The following ARL6IP5 variants were observed in gnomAD, a reference collection of about 807,000 sequenced individuals.
ARL6IP5 encodes the protein PRA1 family protein 3.
Under a neutral mutation model 13.0 loss-of-function variants are expected in ARL6IP5, and 6 were observed. The observed-to-expected ratio is 0.46, with a 90% confidence interval of 0.25 to 0.91. ARL6IP5 has a LOEUF of 0.91. Among genes scored for constraint, ARL6IP5 ranks in the 40% least tolerant of loss-of-function variants. ARL6IP5 has a pLI of 0.17. For synonymous variants in ARL6IP5, 91 were observed against 91.9 expected, an observed-to-expected ratio of 0.99 and a Z score of 0.06; for missense variants, 208 against 248.8, an observed-to-expected ratio of 0.84 and a Z score of 1.10.
chr3:69,104,482 C>T lies in ARL6IP5; in HGVS notation c.413C>T (p.Ser138Leu), dbSNP rs11542221. The T allele has an allele frequency of 6.2e-6, 10 of 1,613,584 alleles. No homozygotes were observed. The highest frequency in any genetic ancestry group is 1.1e-5 in the South Asian group (1 of 91,000). Residue 138 changes from serine to leucine, a missense_variant, in exon 3 of 3, where the codon TCG becomes TTG. Ser to Leu is a moderately radical substitution (Grantham distance 145). Coordinates refer to ENST00000273258, the MANE Select transcript of ARL6IP5 (RefSeq NM_006407.4). ...TCTGCAGTGATGTTTATCCATGCAT[C>T]GTTGAGACTTCGGAACCTCAAGAAC... ...FPLLLMFIHA[S>L]LRLRNLKNKL...
chr3:69,102,099 A>T (rs1228204749), intron 2 of ARL6IP5, 43 bp downstream of exon 2: 8 of 1,578,868 alleles, frequency 5.1e-6, no homozygotes. Flanking sequence ...AAAAAAATGT[A>T]GAAGCAATTA....
At position 69,101,861 on chromosome 3, in the gene ARL6IP5, A is replaced by C. The variant is rs776259125; in HGVS notation, c.199A>C (p.Ile67Leu). 3 of 1,613,526 alleles carry C rather than the reference A, an allele frequency of 1.9e-6. No homozygotes were observed. In the Admixed American group the frequency reaches 5.0e-5, roughly 27 times the overall value. The change falls in exon 2 of 3, where the codon ATC becomes CTC. Residue 67 changes from isoleucine (I) to leucine (L), a missense_variant. Ile to Leu is a conservative substitution (Grantham distance 5). Coordinates refer to ENST00000273258, the MANE Select transcript of ARL6IP5 (RefSeq NM_006407.4). Reference sequence around the variant, plus strand: ...CAGGTTTCTGAGTCCCTTCAACATGATCCTGGGAGGAATCGTGGTGGTGCT... The same window carrying C: ...CAGGTTTCTGAGTCCCTTCAACATGCTCCTGGGAGGAATCGTGGTGGTGCT... ...IVGFLSPFNM[I>L]LGGIVVVLVF...
At chr3:69,085,931 TATCCTG>T (rs1460646084) in intron 1 of ARL6IP5, among the ~76,000 whole-genome samples, 2 of 152,196 alleles carry the variant, frequency 1.3e-5, no homozygotes, top group African/African-American at 4.8e-5. Context: ...CTTAACAAAG[TATCCTG>T]TGTTGAGACT....
At chr3:69,085,501 C>T (rs1317614996) in intron 1 of ARL6IP5, among the ~76,000 whole-genome samples, 4 of 152,158 alleles carry the variant, frequency 2.6e-5, no homozygotes. Context: ...TGAGAGTTCC[C>T]CCACCCCCCT....
rs1405743669 is a variant in ARL6IP5 at position 69,096,628 on chromosome 3, G to A, written c.177-5211G>A. Among the ~76,000 whole-genome samples the A allele has an allele frequency of 5.3e-3, 667 of 126,096 alleles. 5 individuals are homozygous for A. Among genetic ancestry groups the A allele is most frequent in the African/African-American group, 0.02 (645 of 32,726 alleles). The allele number at this position is 126,096 out of a possible 152,430, so 82.7% of individuals were successfully genotyped here. Reference sequence around the variant, plus strand: ...TTTTTTTTTTTTTTTTTTTGAGACGGAATCTCGCTCTGTCACCCAGGCTGG... The same window carrying A: ...TTTTTTTTTTTTTTTTTTTGAGACGAAATCTCGCTCTGTCACCCAGGCTGG... On this transcript the variant is annotated intron_variant, in intron 1 of 2. Coordinates refer to ENST00000273258, the MANE Select transcript of ARL6IP5 (RefSeq NM_006407.4).
intron 1 of ARL6IP5, among the ~76,000 whole-genome samples, chr3:69,095,439 A>G (rs1471035677): frequency 2.0e-5 from 3 of 151,646 alleles, no homozygotes; most frequent in African/African-American, 7.3e-5. Context: ...AGAAAAACAT[A>G]ACGGTTTTTG....
intron 1 of ARL6IP5, among the ~76,000 whole-genome samples, chr3:69,097,309 G>T (rs981169548): frequency 2.6e-5 from 4 of 151,018 alleles, no homozygotes; most frequent in Admixed American, 2.6e-4. Context: ...ATAGGTGTGT[G>T]CTGCCACACC....
At position 69,093,672 on chromosome 3, in the gene ARL6IP5, G is replaced by C. The variant is rs530072393; in HGVS notation, c.177-8167G>C. The stretch of plus-strand genomic sequence containing the variant: ...AGCTACTGGAGAGGCTGAGGCAGGA[G>C]AATTGTTTGAACCAGGGAGTCAGAG... On this transcript the variant is annotated intron_variant, in intron 1 of 2. Transcript: ENST00000273258. Among the ~76,000 whole-genome samples the C allele has an allele frequency of 4.6e-5, 7 of 151,148 alleles. No homozygotes were observed. The South Asian group carries it at 1.5e-3, about 32-fold the overall frequency.
At chr3:69,095,682 A>T (rs2092284794) in intron 1 of ARL6IP5, among the ~76,000 whole-genome samples, 1 of 152,054 alleles carries the variant, frequency 6.6e-6, no homozygotes, top group Non-Finnish European at 1.5e-5. Flanking sequence ...TTTAGTAGAG[A>T]TGGGGTTTCG....
intron 2 of ARL6IP5, among the ~76,000 whole-genome samples, chr3:69,103,189 C>T (rs2092311588): frequency 6.6e-6 from 1 of 152,194 alleles, no homozygotes; most frequent in Non-Finnish European, 1.5e-5. Flanking sequence ...TCTGTAGGTG[C>T]TTAACGCTTA....
chr3:69,086,868 A>G (rs1575857047), intron 1 of ARL6IP5, among the ~76,000 whole-genome samples: 1 of 151,660 alleles, frequency 6.6e-6, no homozygotes. Context: ...GATTACAGGC[A>G]CGTACCACCA....
In ARL6IP5 at chr3:69,084,992, G is replaced by A; in HGVS notation, c.-56G>A. On this transcript the variant is annotated 5_prime_UTR_variant, in exon 1 of 3. Coordinates refer to ENST00000273258, the MANE Select transcript of ARL6IP5 (RefSeq NM_006407.4). Reference sequence around the variant, plus strand: ...ACTCTCCAACTCAGCTCAGCTGATCGGTTGCCGCCGCCGCCGCCGCCAGAT... The same window carrying A: ...ACTCTCCAACTCAGCTCAGCTGATCAGTTGCCGCCGCCGCCGCCGCCAGAT... 1 of 1,584,774 alleles carries A rather than the reference G, an allele frequency of 6.3e-7. No homozygotes were observed. Among genetic ancestry groups the A allele is most frequent in the Non-Finnish European group, 8.6e-7 (1 of 1,165,938 alleles).
chr3:69,090,777 C>T (rs889981184), intron 1 of ARL6IP5, among the ~76,000 whole-genome samples: 3 of 152,214 alleles, frequency 2.0e-5, no homozygotes, highest in African/African-American at 7.2e-5. Context: ...CAGAATTCTC[C>T]TGCCCTTCGA....
chr3:69,099,682 C>T (rs1389111861), intron 1 of ARL6IP5, among the ~76,000 whole-genome samples: 1 of 152,186 alleles, frequency 6.6e-6, no homozygotes, highest in Non-Finnish European at 1.5e-5. Flanking sequence ...AAGCTCTTGG[C>T]ATCACCCTCC....
At position 69,101,873 on chromosome 3, in the gene ARL6IP5, A is replaced by C. The variant is rs145507376; in HGVS notation, c.211A>C (p.Ile71Leu). Residue 71 changes from isoleucine (I) to leucine (L), a missense_variant, in exon 2 of 3, where the codon ATC becomes CTC. Coordinates refer to ENST00000273258, the MANE Select transcript of ARL6IP5 (RefSeq NM_006407.4). ...TCCCTTCAACATGATCCTGGGAGGA[A>C]TCGTGGTGGTGCTGGTGTTCACAGG... is the stretch of plus-strand genomic sequence containing the variant. ...LSPFNMILGG[I>L]VVVLVFTGFV... 3.6e-5 allele frequency: 58 copies of C among 1,613,680 alleles called. No homozygotes were observed. The highest frequency in any genetic ancestry group is 4.4e-5 in the Non-Finnish European group (52 of 1,179,910).
rs2092316098 is a variant in ARL6IP5, at chr3:69,104,492, TCGG to T, written c.424_426del (p.Arg142del). Reference sequence around the variant, plus strand: ...TGTTTATCCATGCATCGTTGAGACTTCGGAACCTCAAGAACAAACTGGAGAATA... The same window carrying T: ...TGTTTATCCATGCATCGTTGAGACTTAACCTCAAGAACAAACTGGAGAATA... On this transcript the variant is annotated inframe_deletion, in exon 3 of 3. Transcript: ENST00000273258. 6.2e-7 allele frequency: 1 copy of T among 1,613,998 alleles called. No individual in the cohort carries two copies. The highest frequency in any genetic ancestry group is 1.7e-5 in the Admixed American group (1 of 60,004).
At chr3:69,097,055 A>T (rs575359550) in intron 1 of ARL6IP5, among the ~76,000 whole-genome samples, 1 of 152,202 alleles carries the variant, frequency 6.6e-6, no homozygotes, top group East Asian at 1.9e-4. Flanking sequence ...CAAGGAATAC[A>T]TGGCCATTGA....
rs556573912 is a variant in ARL6IP5 at position 69,104,821 on chromosome 3, C to G, written c.*185C>G. The stretch of plus-strand genomic sequence containing the variant: ...GTTTCAGAGAGAAGACCTCAGAAAC[C>G]GAAAGAAAACCACCACCCTCCTATT... On this transcript the variant is annotated 3_prime_UTR_variant, in exon 3 of 3. Coordinates refer to ENST00000273258, the MANE Select transcript of ARL6IP5 (RefSeq NM_006407.4). 20 of 742,228 alleles carry G rather than the reference C, an allele frequency of 2.7e-5. No homozygotes were observed. The South Asian group carries it at 2.8e-4, about 10-fold the overall frequency. 46.0% of individuals were successfully genotyped at this position (742,228 alleles called of 1,614,324 possible).
intron 2 of ARL6IP5, among the ~76,000 whole-genome samples, chr3:69,103,073 G>T (rs908592380): frequency 1.1e-4 from 16 of 152,236 alleles, no homozygotes; most frequent in African/African-American, 3.9e-4. Context: ...CTTGTTTAGG[G>T]CTTTGTTAGA....
Sources: allele counts gnomAD v4.1 joint callset (sites outside exome capture counted in the v4.1 genomes callset), GRCh38; gene constraint gnomAD v4.1.1; transcripts MANE v1.5; gene names NCBI Gene and HGNC (gene_info 2026-07-23, HGNC 2026-07-21).